Variants in SFMBT2 observed in about 807,000 individuals in gnomAD.
SFMBT2 encodes Scm like with four mbt domains 2.
Under a neutral mutation model 110.1 loss-of-function variants are expected in SFMBT2, and 38 were observed. The observed-to-expected ratio is 0.35, with a 90% CI of 0.27 to 0.45. SFMBT2 has a LOEUF of 0.45. Among genes scored for constraint, SFMBT2 ranks in the 20% least tolerant of loss-of-function variants. The pLI, the probability that SFMBT2 is intolerant of heterozygous loss-of-function variation, is 1.00. For missense variants in SFMBT2, 1,011 were observed against 1,094.9 expected (o/e 0.92, Z 1.08); for synonymous variants, 425 against 425.4 (o/e 1.00, Z 0.01).
chr10:7,395,699 CTCTT>C (rs1845904968), intron 1 of SFMBT2, among the ~76,000 whole-genome samples: 2 of 138,944 alleles, frequency 1.4e-5, no homozygotes, highest in Non-Finnish European at 3.1e-5. Flanking sequence ...TTTCTAAAAG[CTCTT>C]TTTTTTTTTT....
chr10:7,324,961 CTTTTTTT>C (rs869253757), intron 4 of SFMBT2, among the ~76,000 whole-genome samples: 4 of 92,140 alleles, frequency 4.3e-5, no homozygotes, highest in African/African-American at 1.4e-4. Context: ...AGAGGCCCCA[CTTTTTTT>C]TTTTTTTTTT....
At chr10:7,177,804 G>A (rs1238970683) in intron 16 of SFMBT2, among the ~76,000 whole-genome samples, 1 of 151,922 alleles carries the variant, frequency 6.6e-6, no homozygotes, top group African/African-American at 2.4e-5. Context: ...GCTGCAATAA[G>A]CTATGATTGT....
rs781177247 is a variant in SFMBT2 at position 7,206,212 on chromosome 10, G to A, written c.1331-284C>T. On this transcript the variant is annotated intron_variant, in intron 11 of 20. Transcript: ENST00000397167. ...GATACTCTGCCCTAAAAGTAAAAGAGGAAGAAGGACCGTAGGAAAAGATTG... is the reference window on the plus strand; with the variant it reads ...GATACTCTGCCCTAAAAGTAAAAGAAGAAGAAGGACCGTAGGAAAAGATTG... 6.1e-6 allele frequency: 6 copies of A among 985,300 alleles called. No individual in the cohort carries two copies. In the African/African-American group the frequency reaches 1.0e-4, roughly 17 times the overall value. The allele number at this position is 985,300 out of a possible 1,614,324, so 61.0% of individuals were successfully genotyped here.
intron 7 of SFMBT2, among the ~76,000 whole-genome samples, chr10:7,259,881 G>GTGCCAGTCTACACTGCAGACCCGGTGC: frequency 6.6e-6 from 1 of 152,184 alleles, no homozygotes; most frequent in Non-Finnish European, 1.5e-5. Context: ...ACTTACATTT[G>GTGCCAGTCTACACTGCAGACCCGGTGC]TGCCAGTCTA....
At chr10:7,240,321 T>C (rs1200464225) in intron 9 of SFMBT2, among the ~76,000 whole-genome samples, 2 of 152,214 alleles carry the variant, frequency 1.3e-5, no homozygotes, top group African/African-American at 2.4e-5. Flanking sequence ...TTGGACAGCC[T>C]TCCACATCAG....
intron 4 of SFMBT2, among the ~76,000 whole-genome samples, chr10:7,318,350 C>T (rs7908488): frequency 1.3e-5 from 2 of 152,060 alleles, no homozygotes; most frequent in African/African-American, 4.8e-5. Context: ...TCCTTCATAT[C>T]TTTTTATGTG....
At chr10:7,358,542 T>C (rs1218020932) in intron 4 of SFMBT2, among the ~76,000 whole-genome samples, 4 of 150,182 alleles carry the variant, frequency 2.7e-5, no homozygotes, top group African/African-American at 7.4e-5. Flanking sequence ...CGAGAACATC[T>C]GTATGGCCAT....
intron 4 of SFMBT2, among the ~76,000 whole-genome samples, chr10:7,365,117 T>C (rs1442033111): frequency 6.6e-6 from 1 of 152,220 alleles, no homozygotes; most frequent in Admixed American, 6.5e-5. Flanking sequence ...GAGCATGCAC[T>C]GTGCCTCCCA....
At chr10:7,198,930 T>A (rs1385840721) in intron 14 of SFMBT2, among the ~76,000 whole-genome samples, 1 of 151,884 alleles carries the variant, frequency 6.6e-6, no homozygotes, top group Admixed American at 6.6e-5. Flanking sequence ...AATCAATCCA[T>A]CCTGGGTGAA....
chr10:7,259,546 C>G (rs906370394), intron 7 of SFMBT2, among the ~76,000 whole-genome samples: 1 of 152,268 alleles, frequency 6.6e-6, no homozygotes, highest in African/African-American at 2.4e-5. Flanking sequence ...CTGCATCCCC[C>G]ACCTGGGACA....
chr10:7,312,187 T>C (rs2131905227), intron 4 of SFMBT2, among the ~76,000 whole-genome samples: 1 of 152,142 alleles, frequency 6.6e-6, no homozygotes, highest in Admixed American at 6.5e-5. Context: ...GTAACAAACC[T>C]GCACATTGTG....
intron 15 of SFMBT2, among the ~76,000 whole-genome samples, chr10:7,193,308 G>A (rs1319753659): frequency 2.0e-5 from 3 of 152,156 alleles, no homozygotes; most frequent in African/African-American, 7.2e-5. Context: ...CCACATGAAA[G>A]GCATGTTTCT....
Position 7,248,530 on chromosome 10 carries a change from C to G in SFMBT2, c.972+18G>C. 1 of 1,605,520 alleles carries G rather than the reference C, an allele frequency of 6.2e-7. No homozygotes were observed. Among genetic ancestry groups the G allele is most frequent in the Non-Finnish European group, 8.5e-7 (1 of 1,172,318 alleles). ...CCACTCTAGGGGCTGGGTCGAAGAG[C>G]GAGGGAGGAAAACCCACCTTAGTCA... On this transcript the variant is annotated intron_variant, in intron 8 of 20. Transcript: ENST00000397167.
At chr10:7,394,527 C>T (rs993649927) in intron 1 of SFMBT2, among the ~76,000 whole-genome samples, 4 of 150,794 alleles carry the variant, frequency 2.7e-5, no homozygotes, top group South Asian at 4.2e-4. Context: ...AACAACTCCC[C>T]GACACGCTCA....
intron 16 of SFMBT2, chr10:7,176,567 G>C (rs1433384920): frequency 1.1e-6 from 1 of 908,458 alleles, no homozygotes; most frequent in Non-Finnish European, 1.3e-6. Context: ...GTGCATATGG[G>C]ATCAGGATTC....
chr10:7,271,093 T>G (rs143467334), intron 7 of SFMBT2, among the ~76,000 whole-genome samples: 1 of 152,056 alleles, frequency 6.6e-6, no homozygotes, highest in Non-Finnish European at 1.5e-5. Flanking sequence ...AAGACCAGCC[T>G]GGCGAACATG....
intron 4 of SFMBT2, among the ~76,000 whole-genome samples, chr10:7,352,352 T>G (rs193091144): frequency 2.1e-4 from 32 of 152,316 alleles, no homozygotes; most frequent in African/African-American, 7.5e-4. Flanking sequence ...AGACAGGGTC[T>G]CACTCTGTCA....
chr10:7,166,847 C>A (rs1837710907), intron 20 of SFMBT2, among the ~76,000 whole-genome samples: 1 of 152,130 alleles, frequency 6.6e-6, no homozygotes, highest in Non-Finnish European at 1.5e-5. Flanking sequence ...TCATGACGAG[C>A]CCAGAAAGCC....
intron 20 of SFMBT2, among the ~76,000 whole-genome samples, chr10:7,169,397 G>A (rs1837802583): frequency 6.6e-6 from 1 of 152,198 alleles, no homozygotes; most frequent in African/African-American, 2.4e-5. Flanking sequence ...GGTGGCACTG[G>A]AGACCATTTT....
Sources: allele counts gnomAD v4.1 joint callset (sites outside exome capture counted in the v4.1 genomes callset), GRCh38; gene constraint gnomAD v4.1.1; transcripts MANE v1.5; gene names NCBI Gene and HGNC (gene_info 2026-07-23, HGNC 2026-07-21).